The following SPOCK3 variants were observed in gnomAD, a reference collection of about 807,000 sequenced individuals.
The protein encoded by SPOCK3 is testican-3.
Under a neutral mutation model 56.6 loss-of-function variants are expected in SPOCK3, and 30 were observed. That is an observed-to-expected ratio of 0.53 (90% CI 0.40 to 0.72). The LOEUF is 0.72. Ranked by LOEUF, SPOCK3 falls within the 30% of genes least tolerant of loss-of-function variation. The pLI is 0.00. For missense variants in SPOCK3, 527 were observed against 530.0 expected (o/e 0.99, Z 0.06); for synonymous variants, 196 against 183.3 (o/e 1.07, Z -0.56).
At chr4:167,074,483 T>A (rs1468502015) in intron 2 of SPOCK3, among the ~76,000 whole-genome samples, 1 of 151,936 alleles carries the variant, frequency 6.6e-6, no homozygotes, top group African/African-American at 2.4e-5. Context: ...CTGGCTCAGT[T>A]CAAGTTCCTT....
At chr4:166,963,849 G>A (rs535211255) in intron 4 of SPOCK3, among the ~76,000 whole-genome samples, 1 of 151,768 alleles carries the variant, frequency 6.6e-6, no homozygotes, top group African/African-American at 2.4e-5. Context: ...ATAAATGAGA[G>A]ACAATTATTA....
intron 2 of SPOCK3, among the ~76,000 whole-genome samples, chr4:167,204,916 C>G (rs1733882405): frequency 6.7e-6 from 1 of 149,844 alleles, no homozygotes; most frequent in Non-Finnish European, 1.5e-5. Flanking sequence ...CCTTTCGACT[C>G]CTGGGATCAA....
At chr4:166,960,482 A>G (rs1160398069) in intron 4 of SPOCK3, among the ~76,000 whole-genome samples, 3 of 152,192 alleles carry the variant, frequency 2.0e-5, no homozygotes, top group Admixed American at 6.6e-5. Flanking sequence ...ATTACCCCAG[A>G]ATATAAAATA....
intron 3 of SPOCK3, among the ~76,000 whole-genome samples, chr4:167,027,439 G>C (rs140202851): frequency 0.012 from 1,782 of 151,468 alleles, 39 homozygotes; most frequent in African/African-American, 0.04. Context: ...TTTTGTTTGG[G>C]GATTTTCTTT....
intron 2 of SPOCK3, among the ~76,000 whole-genome samples, chr4:167,223,808 T>C (rs1321147910): frequency 5.3e-5 from 8 of 152,084 alleles, no homozygotes; most frequent in Non-Finnish European, 1.2e-4. Context: ...AAAAGTGAAC[T>C]TATAATACTC....
chr4:166,895,754 G>C (rs1391375121), intron 5 of SPOCK3, among the ~76,000 whole-genome samples: 2 of 152,106 alleles, frequency 1.3e-5, no homozygotes. Context: ...ATGATCAATG[G>C]TCACCAAACT....
At chr4:166,899,455 T>A (rs189446309) in intron 5 of SPOCK3, among the ~76,000 whole-genome samples, 21 of 151,946 alleles carry the variant, frequency 1.4e-4, no homozygotes, top group African/African-American at 4.1e-4. Flanking sequence ...TCAGAAGAGA[T>A]GGCTGATAAA....
At chr4:166,823,823 T>A (rs1745180153) in intron 6 of SPOCK3, among the ~76,000 whole-genome samples, 1 of 152,014 alleles carries the variant, frequency 6.6e-6, no homozygotes, top group Admixed American at 6.6e-5. Flanking sequence ...ACTCATTACC[T>A]CCAAAGCCCA....
chr4:167,020,575 C>A (rs936438432), intron 3 of SPOCK3, among the ~76,000 whole-genome samples: 27 of 151,976 alleles, frequency 1.8e-4, no homozygotes, highest in African/African-American at 6.3e-4. Context: ...AGTGTTCATA[C>A]GTCCCTTGTG....
intron 3 of SPOCK3, among the ~76,000 whole-genome samples, chr4:167,059,875 C>A (rs1277704167): frequency 1.3e-5 from 2 of 152,008 alleles, no homozygotes; most frequent in Non-Finnish European, 2.9e-5. Flanking sequence ...AATTGGAAAT[C>A]ATCATTCTCA....
chr4:166,869,451 T>C (rs1402300925), intron 6 of SPOCK3, among the ~76,000 whole-genome samples: 1 of 152,054 alleles, frequency 6.6e-6, no homozygotes, highest in African/African-American at 2.4e-5. Context: ...GGTGAGAAGA[T>C]AACAATACTA....
At chr4:167,159,810 T>C (rs1285801081) in intron 2 of SPOCK3, among the ~76,000 whole-genome samples, 1 of 152,162 alleles carries the variant, frequency 6.6e-6, no homozygotes, top group African/African-American at 2.4e-5. Context: ...TCTCAATAGA[T>C]GCAGAAAAGG....
rs140905410 is a variant in SPOCK3 at position 166,995,913 on chromosome 4, A to G, written c.350+4436T>C. Among the ~76,000 whole-genome samples the G allele has an allele frequency of 6.9e-4, 105 of 152,290 alleles. 1 individual carries two copies. The East Asian group carries it at 0.017, about 25-fold the overall frequency. On this transcript the variant is annotated intron_variant, in intron 4 of 10. Coordinates refer to ENST00000357545, the MANE Select transcript of SPOCK3 (RefSeq NM_001040159.2). ...TCAGCAAACATTTGTGGAACACTAT[A>G]TAACTTATGCTTTGTGATTAAATCT... is the stretch of plus-strand genomic sequence containing the variant.
At chr4:166,858,932 T>G (rs115921504) in intron 6 of SPOCK3, among the ~76,000 whole-genome samples, 4,133 of 152,292 alleles carry the variant, frequency 0.027, 90 homozygotes, top group Non-Finnish European at 0.041. Flanking sequence ...AGTCAACAGC[T>G]GGCTGCATAT....
intron 2 of SPOCK3, among the ~76,000 whole-genome samples, chr4:167,084,433 G>A (rs1266136694): frequency 1.3e-5 from 2 of 151,918 alleles, no homozygotes; most frequent in South Asian, 4.2e-4. Context: ...GTTCACCATT[G>A]ATACTCAATG....
chr4:167,067,289 C>T (rs1480244282), intron 2 of SPOCK3, among the ~76,000 whole-genome samples: 10 of 151,826 alleles, frequency 6.6e-5, no homozygotes, highest in African/African-American at 1.4e-4. Flanking sequence ...TATTACTAAA[C>T]AGAGACACTA....
chr4:166,754,071 T>C (rs1579125428), intron 8 of SPOCK3: 2 of 952,460 alleles, frequency 2.1e-6, no homozygotes. Flanking sequence ...AATAACTTTA[T>C]GGTGAATGCT....
At chr4:166,836,089 T>C (rs981730384) in intron 6 of SPOCK3, among the ~76,000 whole-genome samples, 3 of 152,216 alleles carry the variant, frequency 2.0e-5, no homozygotes, top group African/African-American at 7.2e-5. Context: ...ATGTTAACAA[T>C]ATGAATCTTA....
chr4:166,736,473 C>T (rs879269892), intron 10 of SPOCK3, among the ~76,000 whole-genome samples: 1 of 151,968 alleles, frequency 6.6e-6, no homozygotes, highest in Non-Finnish European at 1.5e-5. Context: ...GGTCAGCAAA[C>T]CGAAACTAAG....
Sources: gnomAD v4.1 joint callset for allele counts (sites outside exome capture counted in the v4.1 genomes callset) on GRCh38, gnomAD v4.1.1 for gene constraint, MANE v1.5 for transcripts, NCBI Gene and HGNC (gene_info 2026-07-23, HGNC 2026-07-21) for gene names.